Variants in IQGAP3 observed in about 807,000 individuals in gnomAD.
IQGAP3 encodes ras GTPase-activating-like protein IQGAP3.
IQGAP3 carries 165 observed loss-of-function variants against 208.2 expected under a neutral mutation model. That is an observed-to-expected ratio of 0.79 (90% CI 0.70 to 0.90). IQGAP3 has a LOEUF of 0.90. Ranked by LOEUF, IQGAP3 falls within the 40% of genes least tolerant of loss-of-function variation. The pLI, the probability that IQGAP3 is intolerant of heterozygous loss-of-function variation, is 0.00. For missense variants in IQGAP3, 1,811 were observed against 2,043.1 expected, an observed-to-expected ratio of 0.89 and a Z score of 2.19; for synonymous variants, 703 against 803.6, an observed-to-expected ratio of 0.87 and a Z score of 2.12.
At position 156,566,479 on chromosome 1, in the gene IQGAP3, C is replaced by A. The variant is rs766471433; in HGVS notation, c.193G>T (p.Gly65Ter). 2 of 1,614,192 alleles carry A rather than the reference C, an allele frequency of 1.2e-6. No individual in the cohort carries two copies. The highest frequency in any genetic ancestry group is 1.7e-6 in the Non-Finnish European group (2 of 1,180,020). ...TGGCCTAGCTTGGCCAGCAGCACTCCATTCCGAAGGCTCTCCTCCAGCTCC... is the reference window on the plus strand; with the variant it reads ...TGGCCTAGCTTGGCCAGCAGCACTCAATTCCGAAGGCTCTCCTCCAGCTCC... Reference protein sequence around the residue: ...PVELEESLRNGVLLAKLGHCF... With the variant: ...PVELEESLRN Residue 65 changes from glycine to a stop codon, truncating the protein, a stop_gained, in exon 3 of 38, where the codon GGA becomes TGA. Transcript: ENST00000361170. LOFTEE classifies it high-confidence loss of function.
intron 16 of IQGAP3, 80 bp downstream of exon 16, chr1:156,550,181 G>T: frequency 1.0e-6 from 1 of 964,110 alleles, no homozygotes; most frequent in Non-Finnish European, 1.6e-6. Flanking sequence ...TGACCAGGGA[G>T]GCTGCCTGAT....
intron 26 of IQGAP3, 26 bp downstream of exon 26, chr1:156,538,783 G>C (rs762196232): frequency 6.3e-7 from 1 of 1,587,012 alleles, no homozygotes; most frequent in South Asian, 1.1e-5. Context: ...ATCAAAGAGA[G>C]CTCCTCCCTC....
intron 1 of IQGAP3, among the ~76,000 whole-genome samples, chr1:156,571,492 C>A (rs1195485557): frequency 1.3e-5 from 2 of 152,184 alleles, no homozygotes; most frequent in Non-Finnish European, 2.9e-5. Flanking sequence ...CCTCCAAATA[C>A]AGATTTGAAA....
chr1:156,564,613 A>G lies in IQGAP3; in HGVS notation c.437+2T>C. On this transcript the variant is annotated splice_donor_variant, in intron 5 of 37. Transcript: ENST00000361170. LOFTEE classifies it high-confidence loss of function. ...TGGATGATAAAATTTGAGGTCTCTCACCTGAGAGCATGGATGCAGTAGACT... is the reference window on the plus strand; with the variant it reads ...TGGATGATAAAATTTGAGGTCTCTCGCCTGAGAGCATGGATGCAGTAGACT... The G allele has an allele frequency of 6.2e-7, 1 of 1,606,872 alleles. No individual in the cohort carries two copies. Among genetic ancestry groups the G allele is most frequent in the South Asian group, 1.1e-5 (1 of 90,950 alleles).
At chr1:156,535,074 T>G in intron 28 of IQGAP3, 89 bp downstream of exon 28, 1 of 986,816 alleles carries the variant, frequency 1.0e-6, no homozygotes, top group Non-Finnish European at 1.6e-6. Context: ...GGCATAGGAT[T>G]TTTTGTGTTT....
At position 156,563,114 on chromosome 1, in the gene IQGAP3, A is replaced by C. The variant is rs780024274; in HGVS notation, c.798+20T>G. On this transcript the variant is annotated intron_variant, in intron 8 of 37. Coordinates refer to ENST00000361170, the MANE Select transcript of IQGAP3 (RefSeq NM_178229.5). ...AGCCACTCAACTTTTCGGTCCCTGC[A>C]ACCCAAGACTACTCCTTACATGGTT... The C allele has an allele frequency of 1.6e-5, 25 of 1,552,330 alleles. No homozygotes were observed. The highest frequency in any genetic ancestry group is 2.2e-5 in the Non-Finnish European group (25 of 1,145,488).
At chr1:156,540,567 G>A in intron 23 of IQGAP3, 141 bp downstream of exon 23, 1 of 667,132 alleles carries the variant, frequency 1.5e-6, no homozygotes, top group Middle Eastern at 4.2e-4. Flanking sequence ...AATGGCAGAG[G>A]GCCACTGGAA....
Position 156,533,819 on chromosome 1 carries a change from C to T in IQGAP3, c.3930G>A (p.Glu1310=). The T allele has an allele frequency of 6.8e-6, 11 of 1,613,622 alleles. No individual in the cohort carries two copies. The highest frequency in any genetic ancestry group is 8.5e-6 in the Non-Finnish European group (10 of 1,179,740). Residue 1310 remains glutamate, a synonymous_variant, in exon 31 of 38, where the codon GAG becomes GAA. Transcript: ENST00000361170. The part of the protein sequence containing the change: ...IAPDHQDPLH[E]LLEDLGELPT... ...GCAGCTCCCCAAGATCCTCCAGGAG[C>T]TCATGCAGGGGGTCTTGGTGATCAG...
In IQGAP3 at chr1:156,525,729, C is replaced by CAAAAAAAAAA. The variant is rs10611202; in HGVS notation, c.*747_*756dup. ...GGAAAATGAGAACTCTCTTTGAGCTCAAAAAAAAAAAAAAAAAAAAAAAAA... is the reference window on the plus strand; with the variant it reads ...GGAAAATGAGAACTCTCTTTGAGCTCAAAAAAAAAAAAAAAAAAAAAAAAAAAAAAAAAAA... On this transcript the variant is annotated 3_prime_UTR_variant, in exon 38 of 38. Transcript: ENST00000361170. 1.7e-4 allele frequency: 14 copies of CAAAAAAAAAA among 80,412 alleles called. No individual in the cohort carries two copies. The highest frequency in any genetic ancestry group is 3.1e-4 in the African/African-American group (6 of 19,414). 5.0% of individuals were successfully genotyped at this position (80,412 alleles called of 1,614,324 possible).
At chr1:156,547,388 GACACACAC>G (rs61344699) in intron 19 of IQGAP3, among the ~76,000 whole-genome samples, 5,298 of 147,402 alleles carry the variant, frequency 0.036, 203 homozygotes, top group African/African-American at 0.092. Flanking sequence ...CAGACACACA[GACACACAC>G]ACACACACAC....
chr1:156,564,209 C>T (rs763822069), intron 5 of IQGAP3, among the ~76,000 whole-genome samples: 28 of 152,118 alleles, frequency 1.8e-4, no homozygotes, highest in Admixed American at 3.3e-4. Flanking sequence ...CACAAGGAAC[C>T]GGTCGGTCAC....
At chr1:156,548,010 G>T in intron 19 of IQGAP3, 63 bp downstream of exon 19, 1 of 1,446,360 alleles carries the variant, frequency 6.9e-7, no homozygotes, top group Non-Finnish European at 9.4e-7. Context: ...AGGAAGCAGC[G>T]TGGATACCCT....
At chr1:156,533,246 A>G in intron 31 of IQGAP3, 140 bp from the exon 32 acceptor site, 1 of 1,083,498 alleles carries the variant, frequency 9.2e-7, no homozygotes, top group Non-Finnish European at 1.3e-6. Flanking sequence ...GTTTTCCCAC[A>G]CTGGCCTGCA....
At chr1:156,563,453 G>T in intron 7 of IQGAP3, 100 bp downstream of exon 7, 1 of 1,319,872 alleles carries the variant, frequency 7.6e-7, no homozygotes, top group Non-Finnish European at 1.0e-6. Context: ...GGCCCTATCT[G>T]TGGATGAGAG....
intron 4 of IQGAP3, among the ~76,000 whole-genome samples, chr1:156,564,911 C>T (rs1015096127): frequency 6.6e-6 from 1 of 152,170 alleles, no homozygotes; most frequent in African/African-American, 2.4e-5. Flanking sequence ...GCCACAGACA[C>T]ATAGTCCTAG....
chr1:156,563,488 G>A (rs1676257103), intron 7 of IQGAP3, 65 bp downstream of exon 7: 1 of 1,422,766 alleles, frequency 7.0e-7, no homozygotes, highest in African/African-American at 1.4e-5. Flanking sequence ...TCCAATGGCT[G>A]TGAGGCTTGG....
intron 11 of IQGAP3, among the ~76,000 whole-genome samples, chr1:156,560,104 C>T (rs7527476): frequency 0.54 from 82,861 of 152,104 alleles, 24,598 homozygotes; most frequent in Non-Finnish European, 0.67. Flanking sequence ...CTGTAACAGG[C>T]CTAGTGTCCA....
At chr1:156,539,575 C>T (rs769276783) in intron 24 of IQGAP3, 38 bp from the exon 25 acceptor site, 7 of 1,603,804 alleles carry the variant, frequency 4.4e-6, no homozygotes, top group African/African-American at 2.7e-5. Flanking sequence ...GCTGACCATG[C>T]ACTTCAAGGA....
rs149471425 is a variant in IQGAP3 at position 156,548,406 on chromosome 1, C to T, written c.2075G>A (p.Trp692Ter). The change falls in exon 18 of 38, where the codon TGG becomes TAG. Residue 692 changes from tryptophan to a stop codon, truncating the protein, a stop_gained. Transcript: ENST00000361170. LOFTEE classifies it high-confidence loss of function. ...YFHLQTFQGI[W>*]EQPPGCPLNT... ...GAGGGGGCAGCCAGGAGGTTGCTCC[C>T]AGATCCCCTGGAAGGTCTGCAGATG... 6.2e-7 allele frequency: 1 copy of T among 1,613,954 alleles called. No individual in the cohort carries two copies. Among genetic ancestry groups the T allele is most frequent in the Non-Finnish European group, 8.5e-7 (1 of 1,179,968 alleles).
Sources: gnomAD v4.1 joint callset for allele counts (sites outside exome capture counted in the v4.1 genomes callset) on GRCh38, gnomAD v4.1.1 for gene constraint, MANE v1.5 for transcripts, NCBI Gene and HGNC (gene_info 2026-07-23, HGNC 2026-07-21) for gene names.